DNAJC16: variants seen among roughly 807,000 people sequenced by gnomAD.
The protein encoded by DNAJC16 is DnaJ heat shock protein family (Hsp40) member C16.
A neutral mutation model predicts 92.7 loss-of-function variants in DNAJC16; 76 were observed. The observed-to-expected ratio is 0.82, with a 90% CI of 0.68 to 0.99. DNAJC16 has a LOEUF of 0.99. Ranked by LOEUF, DNAJC16 falls within the 50% of genes least tolerant of loss-of-function variation. DNAJC16 has a pLI of 0.00. For synonymous variants in DNAJC16, 328 were observed against 358.7 expected (o/e 0.91, Z 0.97); for missense variants, 869 against 942.4 (o/e 0.92, Z 1.02).
chr1:15,559,009 G>A (rs1008513016), intron 7 of DNAJC16, among the ~76,000 whole-genome samples: 7 of 152,024 alleles, frequency 4.6e-5, no homozygotes, highest in Non-Finnish European at 1.0e-4. Context: ...GCGTGATCTC[G>A]GCTCACTGCA....
chr1:15,558,193 T>TTC (rs1553148627), intron 7 of DNAJC16, among the ~76,000 whole-genome samples: 57 of 112,782 alleles, frequency 5.1e-4, no homozygotes, highest in African/African-American at 1.5e-3. Context: ...TTTTTTTTTT[T>TTC]TTCTTGAGAC....
At chr1:15,539,384 TACAGGC>T (rs1363394568) in intron 4 of DNAJC16, among the ~76,000 whole-genome samples, 1 of 152,040 alleles carries the variant, frequency 6.6e-6, no homozygotes, top group Non-Finnish European at 1.5e-5. Context: ...TAGCTGGGAC[TACAGGC>T]ACCCATCACC....
chr1:15,567,851 G>T lies in DNAJC16; in HGVS notation c.2023G>T (p.Ala675Ser), dbSNP rs1249812690. ...REWLEYLLEF[A>S]QDAAPIPNQY... Reference sequence around the variant, plus strand: ...ATGGCTAGAATACTTACTAGAATTTGCTCAAGATGCAGCTCCAATCCCAAA... The same window carrying T: ...ATGGCTAGAATACTTACTAGAATTTTCTCAAGATGCAGCTCCAATCCCAAA... The change falls in exon 15 of 15, where the codon GCT becomes TCT. Residue 675 changes from alanine (A) to serine (S), a missense_variant. By Grantham distance (99) the Ala-to-Ser change is moderately conservative. Transcript: ENST00000375847. The T allele has an allele frequency of 1.2e-6, 2 of 1,614,160 alleles. No individual in the cohort carries two copies. The highest frequency in any genetic ancestry group is 2.2e-5 in the South Asian group (2 of 91,084).
chr1:15,549,158 T>C (rs748053055), intron 7 of DNAJC16, among the ~76,000 whole-genome samples: 2 of 152,090 alleles, frequency 1.3e-5, no homozygotes, highest in African/African-American at 2.4e-5. Context: ...CACAGAAGGG[T>C]ACCTGAAACC....
chr1:15,551,499 A>C (rs1638440861), intron 7 of DNAJC16, among the ~76,000 whole-genome samples: 1 of 152,180 alleles, frequency 6.6e-6, no homozygotes. Flanking sequence ...CCAGTGATAA[A>C]ATTCAGGCTT....
In DNAJC16 at chr1:15,559,597, C is replaced by T. The variant is rs753893665; in HGVS notation, c.1095C>T (p.Leu365=). 1.1e-5 allele frequency: 17 copies of T among 1,614,180 alleles called. No homozygotes were observed. The highest frequency in any genetic ancestry group is 2.7e-5 in the African/African-American group (2 of 75,048). The part of the protein sequence containing the change: ...TRNKYLLAAR[L]TSQKLFHELC... ...ACAAATATCTATTGGCAGCCAGGCT[C>T]ACCAGCCAGAAGTTGTTCCATGAAC... The change falls in exon 8 of 15, where the codon CTC becomes CTT. Residue 365 remains leucine (L), a synonymous_variant. Transcript: ENST00000375847.
At chr1:15,530,548 A>C (rs1440118045) in intron 2 of DNAJC16, among the ~76,000 whole-genome samples, 1 of 152,252 alleles carries the variant, frequency 6.6e-6, no homozygotes, top group Non-Finnish European at 1.5e-5. Flanking sequence ...AGGTGACTCC[A>C]AGCTGGCTGT....
At chr1:15,528,277 A>G (rs1163938030) in intron 1 of DNAJC16, among the ~76,000 whole-genome samples, 1 of 152,018 alleles carries the variant, frequency 6.6e-6, no homozygotes, top group Non-Finnish European at 1.5e-5. Flanking sequence ...TACTAAAAAT[A>G]CAAAAAATTA....
At chr1:15,534,867 T>G (rs1427503614) in intron 3 of DNAJC16, among the ~76,000 whole-genome samples, 1 of 152,260 alleles carries the variant, frequency 6.6e-6, no homozygotes. Flanking sequence ...TATGTGTCAC[T>G]ATTGCCTTCT....
chr1:15,548,415 C>G lies in DNAJC16; in HGVS notation c.1010C>G (p.Ala337Gly), dbSNP rs759555676. The change falls in exon 7 of 15, where the codon GCC (alanine) becomes GGC (glycine). Residue 337 changes from alanine (A) to glycine (G), a missense_variant. Physicochemically the swap from Ala to Gly is moderately conservative, Grantham distance 60. Coordinates refer to ENST00000375847, the MANE Select transcript of DNAJC16 (RefSeq NM_015291.4). ...LVFKEHINRP[A>G]DVIQARGMKK... ...TTTAAAGAACATATAAACAGGCCTGCCGATGTTATCCAGGTACGTGAGGGT... is the reference window on the plus strand; with the variant it reads ...TTTAAAGAACATATAAACAGGCCTGGCGATGTTATCCAGGTACGTGAGGGT... The G allele has an allele frequency of 1.1e-5, 17 of 1,611,388 alleles. No homozygotes were observed. The highest frequency in any genetic ancestry group is 1.4e-5 in the Non-Finnish European group (17 of 1,178,704).
At chr1:15,559,234 G>A (rs527438953) in intron 7 of DNAJC16, among the ~76,000 whole-genome samples, 4 of 152,234 alleles carry the variant, frequency 2.6e-5, no homozygotes, top group Admixed American at 2.0e-4. Flanking sequence ...CACCACGTCC[G>A]GCCATGACTG....
In DNAJC16 at chr1:15,544,478, C is replaced by T. The variant is rs143197092; in HGVS notation, c.654C>T (p.Ile218=). The T allele has an allele frequency of 3.1e-4, 506 of 1,614,010 alleles. No homozygotes were observed. Among genetic ancestry groups the T allele is most frequent in the Non-Finnish European group, 4.2e-4 (490 of 1,180,022 alleles). ...TAGGGGCACACAGCACGCCCTCTAT[C>T]CTAGGAATCATTAACGGGAAAATCT... ...HHLGAHSTPS[I]LGIINGKISF... The change falls in exon 5 of 15, where the codon ATC becomes ATT. Residue 218 remains isoleucine, a synonymous_variant. Coordinates refer to ENST00000375847, the MANE Select transcript of DNAJC16 (RefSeq NM_015291.4).
At position 15,566,433 on chromosome 1, in the gene DNAJC16, G is replaced by A; in HGVS notation, c.1778+253G>A. Reference sequence around the variant, plus strand: ...CAGGCAAGTGTTAGGTGAGCCAGAAGCAGGACGTGGTTTATCCCTGTAAAT... The same window carrying A: ...CAGGCAAGTGTTAGGTGAGCCAGAAACAGGACGTGGTTTATCCCTGTAAAT... On this transcript the variant is annotated intron_variant, in intron 13 of 14. Coordinates refer to ENST00000375847, the MANE Select transcript of DNAJC16 (RefSeq NM_015291.4). 3 of 481,734 alleles carry A rather than the reference G, an allele frequency of 6.2e-6. No homozygotes were observed. The Admixed American group carries it at 1.1e-4, about 18-fold the overall frequency. The allele number at this position is 481,734 out of a possible 1,614,324, so 29.8% of individuals were successfully genotyped here.
chr1:15,527,926 G>C (rs1212574088), intron 1 of DNAJC16, among the ~76,000 whole-genome samples: 1 of 152,202 alleles, frequency 6.6e-6, no homozygotes, highest in Non-Finnish European at 1.5e-5. Flanking sequence ...TAATTGTGGA[G>C]TATAAATATC....
At chr1:15,548,125 A>G (rs1228391851) in intron 6 of DNAJC16, 145 bp from the exon 7 acceptor site, 2 of 647,734 alleles carry the variant, frequency 3.1e-6, no homozygotes, top group Admixed American at 6.4e-5. Flanking sequence ...ATAGAATGGA[A>G]GTATACAAGG....
At chr1:15,558,544 C>G (rs931225710) in intron 7 of DNAJC16, among the ~76,000 whole-genome samples, 1 of 152,068 alleles carries the variant, frequency 6.6e-6, no homozygotes, top group Non-Finnish European at 1.5e-5. Flanking sequence ...GTTGCACAGG[C>G]TGGTCTCTAA....
chr1:15,560,419 C>T (rs1302979384), intron 8 of DNAJC16: 2 of 152,010 alleles, frequency 1.3e-5, no homozygotes, highest in African/African-American at 2.4e-5. Context: ...TGGTGGGAAT[C>T]GGGAAGGCTA....
rs1004711323 is a variant in DNAJC16, at chr1:15,570,271, T to C, written c.*2094T>C. On this transcript the variant is annotated 3_prime_UTR_variant, in exon 15 of 15. Transcript: ENST00000375847. ...AGGTATTTTATGGCCAGATTGCTTA[T>C]ATGAGTGGTCTTTTGGTTTGGTAGT... 2.6e-5 allele frequency: 4 copies of C among 152,250 alleles called. No individual in the cohort carries two copies. Among genetic ancestry groups the C allele is most frequent in the Admixed American group, 2.0e-4 (3 of 15,284 alleles). 9.4% of individuals were successfully genotyped at this position (152,250 alleles called of 1,614,324 possible). A position where few individuals can be genotyped will look rare whatever the true frequency, so the allele number is the denominator to read the frequency against.
chr1:15,555,868 A>G (rs1468122333), intron 7 of DNAJC16, among the ~76,000 whole-genome samples: 2 of 151,234 alleles, frequency 1.3e-5, no homozygotes, highest in South Asian at 2.1e-4. Flanking sequence ...TTGCATGCCT[A>G]TAATCCCAGC....
Sources: allele counts gnomAD v4.1 joint callset (sites outside exome capture counted in the v4.1 genomes callset), GRCh38; gene constraint gnomAD v4.1.1; transcripts MANE v1.5; gene names NCBI Gene and HGNC (gene_info 2026-07-23, HGNC 2026-07-21).